FAHD2A: variants seen among roughly 807,000 people sequenced by gnomAD.
The protein encoded by FAHD2A is fumarylacetoacetate hydrolase domain containing 2A.
A neutral mutation model predicts 33.4 loss-of-function variants in FAHD2A; 27 were observed. The observed-to-expected ratio is 0.81, with a 90% CI of 0.60 to 1.11. The LOEUF (loss-of-function observed/expected upper bound fraction) is 1.11, where lower values mean the gene tolerates loss of function less well. Among genes scored for constraint, FAHD2A ranks in the 50% most tolerant of loss-of-function variants. FAHD2A has a pLI of 0.00. For missense variants in FAHD2A, 296 were observed against 395.0 expected, an observed-to-expected ratio of 0.75 and a Z score of 2.12; for synonymous variants, 130 against 153.3, an observed-to-expected ratio of 0.85 and a Z score of 1.12.
Position 95,413,222 on chromosome 2 carries a change from C to T in FAHD2A, c.*265C>T, listed in dbSNP as rs536060537. ...GGACTGGGGAAGAAGAGAGCAAATA[C>T]ACACACATATGCCAAAAAGATGCTG... On this transcript the variant is annotated 3_prime_UTR_variant, in exon 8 of 8. Transcript: ENST00000233379. 15 of 1,108,296 alleles carry T rather than the reference C, an allele frequency of 1.4e-5. No individual in the cohort carries two copies. In the East Asian group the frequency reaches 3.7e-4, roughly 27 times the overall value. The allele number at this position is 1,108,296 out of a possible 1,614,324, so 68.7% of individuals were successfully genotyped here. A position where few individuals can be genotyped will look rare whatever the true frequency, so the allele number is the denominator to read the frequency against.
intron 3 of FAHD2A, among the ~76,000 whole-genome samples, chr2:95,408,599 T>G (rs1681996555): frequency 6.6e-6 from 1 of 152,154 alleles, no homozygotes; most frequent in South Asian, 2.1e-4. Context: ...AAACTCCCAT[T>G]TTTAAAACTA....
intron 1 of FAHD2A, among the ~76,000 whole-genome samples, chr2:95,405,051 A>T (rs191228270): frequency 1.5e-4 from 23 of 152,352 alleles, no homozygotes; most frequent in Non-Finnish European, 2.6e-4. Context: ...CACCAGCGTC[A>T]CTTGCCCATG....
At chr2:95,419,016 G>T (rs972579400), downstream of FAHD2A, among the ~76,000 whole-genome samples, 4 of 152,164 alleles carry the variant, frequency 2.6e-5, no homozygotes, top group African/African-American at 9.7e-5. Context: ...GGAGATGGAG[G>T]CTGAAGTGAT....
chr2:95,405,441 A>C (rs1309556120), intron 1 of FAHD2A, 112 bp from the exon 2 acceptor site: 5 of 1,472,460 alleles, frequency 3.4e-6, no homozygotes, highest in Middle Eastern at 3.6e-4. Flanking sequence ...TGTGGTATGC[A>C]GGGAACGGTT....
Position 95,414,111 on chromosome 2 carries a change from G to A in FAHD2A, c.*1154G>A. ...TCTTGTTTAAAGAAGCCCAGGGAGG[G>A]ATAGATCTCCGACTGGACAGAAGAC... On this transcript the variant is annotated 3_prime_UTR_variant, in exon 8 of 8. Coordinates refer to ENST00000233379, the MANE Select transcript of FAHD2A (RefSeq NM_016044.3). The A allele has an allele frequency of 6.8e-7, 1 of 1,465,120 alleles. No individual in the cohort carries two copies. The highest frequency in any genetic ancestry group is 1.2e-5 in the South Asian group (1 of 84,056). The allele number at this position is 1,465,120 out of a possible 1,614,324, so 90.8% of individuals were successfully genotyped here. A position where few individuals can be genotyped will look rare whatever the true frequency, so the allele number is the denominator to read the frequency against.
At chr2:95,410,712 C>T in intron 4 of FAHD2A, 126 bp downstream of exon 4, 2 of 1,535,716 alleles carry the variant, frequency 1.3e-6, no homozygotes, top group Admixed American at 1.9e-5. Flanking sequence ...AAGCAGTCAG[C>T]CTCCTTGCTC....
chr2:95,419,957 A>G (rs1412807470), downstream of FAHD2A, among the ~76,000 whole-genome samples: 1 of 152,036 alleles, frequency 6.6e-6, no homozygotes, highest in Non-Finnish European at 1.5e-5. Flanking sequence ...AAAGCCAGCA[A>G]TACAGTTCTA....
Position 95,412,676 on chromosome 2 carries a change from G to A in FAHD2A, c.795-1G>A. 1 of 1,614,062 alleles carries A rather than the reference G, an allele frequency of 6.2e-7. No individual in the cohort carries two copies. The highest frequency in any genetic ancestry group is 8.5e-7 in the Non-Finnish European group (1 of 1,180,002). On this transcript the variant is annotated splice_acceptor_variant, in intron 6 of 7. Transcript: ENST00000233379. LOFTEE classifies it high-confidence loss of function. ...CACCGGGTCCTTCTGCTTTGATCCA[G>A]GTTTGTTACCTTTTACCCAGGGGAT... is the stretch of plus-strand genomic sequence containing the variant.
intron 2 of FAHD2A, 58 bp from the exon 3 acceptor site, chr2:95,406,883 G>A (rs1391724477): frequency 6.6e-7 from 1 of 1,521,544 alleles, no homozygotes; most frequent in Non-Finnish European, 8.9e-7. Context: ...TGCCCAGCCT[G>A]CCCGGGATTG....
chr2:95,403,444 G>A (rs1428514412), intron 1 of FAHD2A, among the ~76,000 whole-genome samples: 1 of 152,190 alleles, frequency 6.6e-6, no homozygotes, highest in Non-Finnish European at 1.5e-5. Context: ...ACAGCCAGAG[G>A]GCGCCTGTAG....
chr2:95,412,565 C>T, intron 6 of FAHD2A, 23 bp downstream of exon 6: 2 of 1,613,340 alleles, frequency 1.2e-6, no homozygotes, highest in Non-Finnish European at 1.7e-6. Flanking sequence ...GGCTGTCCTG[C>T]CAGCCCCGCT....
At chr2:95,409,503 TTCA>T (rs1313855981) in intron 3 of FAHD2A, among the ~76,000 whole-genome samples, 2 of 152,156 alleles carry the variant, frequency 1.3e-5, no homozygotes, top group African/African-American at 2.4e-5. Context: ...GAGACGGGGT[TTCA>T]TCATGTTGGC....
At chr2:95,410,418 G>C (rs770277662) in intron 3 of FAHD2A, 109 bp from the exon 4 acceptor site, 3 of 1,423,128 alleles carry the variant, frequency 2.1e-6, no homozygotes, top group South Asian at 1.3e-5. Flanking sequence ...GGATGGCAGC[G>C]AAGCCATACT....
chr2:95,412,325 G>C, intron 5 of FAHD2A, 109 bp from the exon 6 acceptor site: 2 of 1,317,330 alleles, frequency 1.5e-6, no homozygotes, highest in Non-Finnish European at 2.1e-6. Flanking sequence ...GCACTTTGAA[G>C]CCCTTTCACC....
At chr2:95,405,874 C>T in intron 2 of FAHD2A, 71 bp downstream of exon 2, 1 of 1,453,050 alleles carries the variant, frequency 6.9e-7, no homozygotes, top group Non-Finnish European at 9.1e-7. Context: ...CTCTGGGAAA[C>T]AGCACCAGCA....
intron 5 of FAHD2A, among the ~76,000 whole-genome samples, chr2:95,411,909 C>A (rs1329081398): frequency 1.3e-5 from 2 of 152,212 alleles, no homozygotes; most frequent in Non-Finnish European, 2.9e-5. Context: ...CCTCAGCCTC[C>A]TGAGTAGCTG....
chr2:95,407,984 A>G (rs1437190103), intron 3 of FAHD2A, among the ~76,000 whole-genome samples: 1 of 148,234 alleles, frequency 6.7e-6, no homozygotes, highest in African/African-American at 2.5e-5. Context: ...ATTTGGCCAT[A>G]TATCCTTTTT....
At chr2:95,405,273 A>G in intron 1 of FAHD2A, 1 of 396,834 alleles carries the variant, frequency 2.5e-6, no homozygotes. Flanking sequence ...CCCAATACCT[A>G]CAGCAGAGCC....
chr2:95,404,295 T>G (rs943167728), intron 1 of FAHD2A, among the ~76,000 whole-genome samples: 1 of 142,874 alleles, frequency 7.0e-6, no homozygotes, highest in African/African-American at 2.6e-5. Context: ...GCCCTGAGGA[T>G]TTTTTTTTTT....
Sources: allele counts gnomAD v4.1 joint callset (sites outside exome capture counted in the v4.1 genomes callset), GRCh38; gene constraint gnomAD v4.1.1; transcripts MANE v1.5; gene names NCBI Gene and HGNC (gene_info 2026-07-23, HGNC 2026-07-21).